The following USP34 variants were observed in gnomAD, a reference collection of about 807,000 sequenced individuals.
The protein encoded by USP34 is ubiquitin specific peptidase 34, also known as ubiquitin carboxyl-terminal hydrolase 34.
A neutral mutation model predicts 460.3 loss-of-function variants in USP34; 70 were observed. That is an observed-to-expected ratio of 0.15 (90% CI 0.13 to 0.19). The LOEUF is 0.19. Ranked by LOEUF, USP34 falls within the 10% of genes least tolerant of loss-of-function variation. The pLI is 1.00. For synonymous variants in USP34, 1,647 were observed against 1,405.3 expected, an observed-to-expected ratio of 1.17 and a Z score of -3.85; for missense variants, 3,985 against 4,236.2, an observed-to-expected ratio of 0.94 and a Z score of 1.65.
chr2:61,242,486 C>T (rs1330752571), intron 51 of USP34, among the ~76,000 whole-genome samples: 1 of 151,462 alleles, frequency 6.6e-6, no homozygotes, highest in Non-Finnish European at 1.5e-5. Flanking sequence ...CACACACACA[C>T]ACACACACAC....
At chr2:61,418,623 T>A (rs1273155709) in intron 2 of USP34, among the ~76,000 whole-genome samples, 1 of 152,222 alleles carries the variant, frequency 6.6e-6, no homozygotes, top group East Asian at 1.9e-4. Context: ...TATTAGTACC[T>A]GTTTATCCGC....
At chr2:61,229,050 CGA>C in intron 59 of USP34, 55 bp from the exon 60 acceptor site, 1 of 1,347,474 alleles carries the variant, frequency 7.4e-7, no homozygotes, top group Non-Finnish European at 9.8e-7. Flanking sequence ...AAATACTGTT[CGA>C]GAGAAAAAGT....
intron 75 of USP34, among the ~76,000 whole-genome samples, chr2:61,197,655 T>C (rs1002462762): frequency 1.3e-5 from 2 of 152,198 alleles, no homozygotes; most frequent in Non-Finnish European, 1.5e-5. Flanking sequence ...TGTAGTGCAG[T>C]GGCCCAATCA....
At chr2:61,218,657 T>C (rs1687471962) in intron 67 of USP34, among the ~76,000 whole-genome samples, 1 of 152,062 alleles carries the variant, frequency 6.6e-6, no homozygotes, top group Non-Finnish European at 1.5e-5. Flanking sequence ...GCTGTGACAG[T>C]TTCTTAGATT....
intron 1 of USP34, among the ~76,000 whole-genome samples, chr2:61,442,863 C>T (rs1042136950): frequency 6.9e-6 from 1 of 145,160 alleles, no homozygotes; most frequent in Non-Finnish European, 1.5e-5. Context: ...ACGTGTTCAA[C>T]GATAGATGAA....
intron 1 of USP34, among the ~76,000 whole-genome samples, chr2:61,426,184 T>C (rs1264862794): frequency 6.6e-6 from 1 of 152,094 alleles, no homozygotes; most frequent in Non-Finnish European, 1.5e-5. Context: ...GTGGTGGCTA[T>C]GGGGCAAAAC....
chr2:61,448,952 C>T (rs1006415065), intron 1 of USP34, among the ~76,000 whole-genome samples: 2 of 152,084 alleles, frequency 1.3e-5, no homozygotes, highest in Admixed American at 1.3e-4. Flanking sequence ...GTTGGGAGTT[C>T]GAGACCAGCC....
intron 16 of USP34, among the ~76,000 whole-genome samples, chr2:61,340,450 T>A (rs1161543539): frequency 6.6e-6 from 1 of 152,204 alleles, no homozygotes; most frequent in Non-Finnish European, 1.5e-5. Flanking sequence ...TCATAAGGTA[T>A]TATGTATGTT....
chr2:61,286,860 C>T (rs1689704427), intron 34 of USP34, among the ~76,000 whole-genome samples: 2 of 151,902 alleles, frequency 1.3e-5, no homozygotes, highest in African/African-American at 2.4e-5. Flanking sequence ...TTTACACATA[C>T]ACTTATGTAT....
rs370960376 is a variant in USP34, at chr2:61,266,143, G to T, written c.5458C>A (p.Leu1820Ile). The change falls in exon 42 of 80, where the codon CTC becomes ATC. Residue 1820 changes from leucine to isoleucine, a missense_variant. Physicochemically the swap from Leu to Ile is conservative, Grantham distance 5. Coordinates refer to ENST00000398571, the MANE Select transcript of USP34 (RefSeq NM_014709.4). ...GQEFLRDIFN[L>I]LFLLPSLKDR... ...TTTAGACTTGGCAACAAAAACAGGA[G>T]ATTGAAGATATCTCTCAAAAATTCC... is the stretch of plus-strand genomic sequence containing the variant. The T allele has an allele frequency of 7.9e-5, 128 of 1,611,226 alleles. No individual in the cohort carries two copies. The highest frequency in any genetic ancestry group is 1.1e-4 in the Non-Finnish European group (128 of 1,177,942).
intron 5 of USP34, among the ~76,000 whole-genome samples, chr2:61,390,773 T>C (rs1251942396): frequency 2.6e-5 from 4 of 151,910 alleles, no homozygotes; most frequent in Non-Finnish European, 2.9e-5. Flanking sequence ...TGAGATGAAA[T>C]TTCAGGATTC....
chr2:61,289,985 C>T (rs1057011502), intron 33 of USP34, among the ~76,000 whole-genome samples: 1 of 152,114 alleles, frequency 6.6e-6, no homozygotes, highest in African/African-American at 2.4e-5. Flanking sequence ...TGTCCCCATA[C>T]ACACATCAGA....
At chr2:61,407,600 T>G (rs934608478) in intron 2 of USP34, among the ~76,000 whole-genome samples, 3 of 152,254 alleles carry the variant, frequency 2.0e-5, no homozygotes, top group African/African-American at 7.2e-5. Flanking sequence ...AGCCACAAAT[T>G]ACTTGATATT....
At chr2:61,343,430 T>C (rs1307967577) in intron 16 of USP34, among the ~76,000 whole-genome samples, 1 of 152,222 alleles carries the variant, frequency 6.6e-6, no homozygotes, top group Admixed American at 6.5e-5. Context: ...GATTTGCCTA[T>C]TCTAGACATA....
intron 75 of USP34, among the ~76,000 whole-genome samples, chr2:61,197,562 C>A (rs1686844413): frequency 6.6e-6 from 1 of 152,146 alleles, no homozygotes; most frequent in Non-Finnish European, 1.5e-5. Flanking sequence ...TGATTTTCTT[C>A]ACATCTGCCA....
intron 2 of USP34, among the ~76,000 whole-genome samples, chr2:61,412,886 C>CA (rs10717013): frequency 0.31 from 22,497 of 72,268 alleles, 2,652 homozygotes; most frequent in South Asian, 0.43. Flanking sequence ...AATCCCATCT[C>CA]AAAAAAAAAA....
chr2:61,278,083 G>C, intron 41 of USP34, 82 bp downstream of exon 41: 1 of 1,529,230 alleles, frequency 6.5e-7, no homozygotes, highest in Non-Finnish European at 8.9e-7. Flanking sequence ...TATGAGCAGT[G>C]TAAAAACGGA....
intron 72 of USP34, 79 bp from the exon 73 acceptor site, chr2:61,204,680 T>G (rs1466396464): frequency 8.8e-7 from 1 of 1,139,322 alleles, no homozygotes; most frequent in African/African-American, 1.5e-5. Flanking sequence ...ACAAATCCTA[T>G]GATTGCCTCA....
In USP34 at chr2:61,322,860, TAA is replaced by T. The variant is rs1690968435; in HGVS notation, c.3013+2513_3013+2514del. On this transcript the variant is annotated intron_variant, in intron 21 of 79. Coordinates refer to ENST00000398571, the MANE Select transcript of USP34 (RefSeq NM_014709.4). ...AACACATTAATTAAGGAGAACAAGA[TAA>T]AGAGTATCCAGGTTAATTATAGTCA... is the stretch of plus-strand genomic sequence containing the variant. 3.3e-5 allele frequency among the ~76,000 whole-genome samples: 5 copies of T among 152,230 alleles called. No individual in the cohort carries two copies. In the South Asian group the frequency reaches 1.0e-3, roughly 32 times the overall value.
Sources: allele counts gnomAD v4.1 joint callset (sites outside exome capture counted in the v4.1 genomes callset), GRCh38; gene constraint gnomAD v4.1.1; transcripts MANE v1.5; gene names NCBI Gene and HGNC (gene_info 2026-07-23, HGNC 2026-07-21).